Variants in SEM1 observed in about 807,000 individuals in gnomAD.
SEM1 encodes SEM1 26S proteasome subunit.
A neutral mutation model predicts 12.7 loss-of-function variants in SEM1; 3 were observed. The ratio of observed to expected loss-of-function variants is 0.24; its 90% confidence interval spans 0.11 to 0.61. The LOEUF (loss-of-function observed/expected upper bound fraction) is 0.61, where lower values mean the gene tolerates loss of function less well. Among genes scored for constraint, SEM1 ranks in the 20% least tolerant of loss-of-function variants. SEM1 has a pLI of 0.88. For synonymous variants in SEM1, 30 were observed against 27.8 expected (o/e 1.08, Z -0.25); for missense variants, 59 against 81.3 (o/e 0.73, Z 1.06).
intron 1 of SEM1, among the ~76,000 whole-genome samples, chr7:96,697,969 C>T (rs986071843): frequency 6.6e-6 from 1 of 152,098 alleles, no homozygotes; most frequent in African/African-American, 2.4e-5. Flanking sequence ...ATACGTAGCA[C>T]GGCACCACTT....
chr7:96,524,251 A>T (rs1804375023), intron 2 of SEM1, among the ~76,000 whole-genome samples: 1 of 151,860 alleles, frequency 6.6e-6, no homozygotes, highest in Non-Finnish European at 1.5e-5. Flanking sequence ...TCTCAACATC[A>T]CCCCTAGGAC....
At chr7:96,585,255 G>T (rs1411170666) in intron 2 of SEM1, among the ~76,000 whole-genome samples, 3 of 152,190 alleles carry the variant, frequency 2.0e-5, no homozygotes, top group African/African-American at 7.2e-5. Flanking sequence ...GCCCCTGCTG[G>T]GGGGTGCCTC....
At chr7:96,571,772 G>T (rs1049174204) in intron 2 of SEM1, among the ~76,000 whole-genome samples, 2 of 151,714 alleles carry the variant, frequency 1.3e-5, no homozygotes, top group Non-Finnish European at 2.9e-5. Flanking sequence ...TGTTGTGTCT[G>T]TGCCAGGTTT....
intron 2 of SEM1, among the ~76,000 whole-genome samples, chr7:96,629,150 A>G (rs1332218945): frequency 2.0e-5 from 3 of 152,050 alleles, no homozygotes; most frequent in African/African-American, 7.2e-5. Context: ...TTGGTGTTCT[A>G]TAACCTTCTT....
At chr7:96,510,606 C>A (rs1220687872) in intron 2 of SEM1, among the ~76,000 whole-genome samples, 2 of 152,136 alleles carry the variant, frequency 1.3e-5, no homozygotes, top group African/African-American at 4.8e-5. Flanking sequence ...CAAACCTAAT[C>A]TATCTCAAAA....
intron 2 of SEM1, among the ~76,000 whole-genome samples, chr7:96,574,459 G>T (rs1294740675): frequency 6.6e-6 from 1 of 152,168 alleles, no homozygotes; most frequent in Non-Finnish European, 1.5e-5. Context: ...CCAGTAATGG[G>T]ATCACTGGGT....
chr7:96,572,263 T>C (rs2115989242), intron 2 of SEM1, among the ~76,000 whole-genome samples: 1 of 152,294 alleles, frequency 6.6e-6, no homozygotes, highest in South Asian at 2.1e-4. Flanking sequence ...TTGAAGGGCT[T>C]TTCATGTCTC....
chr7:96,567,524 A>G (rs984563571), intron 2 of SEM1, among the ~76,000 whole-genome samples: 10 of 151,246 alleles, frequency 6.6e-5, no homozygotes, highest in Non-Finnish European at 1.3e-4. Flanking sequence ...TTCCACATTT[A>G]TAACCTCTAA....
At chr7:96,621,735 T>C (rs1807899183), downstream of SEM1, 1 of 152,224 alleles carries the variant, frequency 6.6e-6, no homozygotes, top group Admixed American at 6.5e-5. Context: ...TATTAGCAAA[T>C]GAATTTGCAG....
intron 2 of SEM1, among the ~76,000 whole-genome samples, chr7:96,580,083 A>G (rs1371943424): frequency 1.4e-5 from 2 of 148,104 alleles, no homozygotes; most frequent in African/African-American, 2.5e-5. Context: ...CTCGTCATCT[A>G]GCATTAGGTA....
At chr7:96,648,160 C>T (rs1808862728) in intron 2 of SEM1, among the ~76,000 whole-genome samples, 1 of 152,142 alleles carries the variant, frequency 6.6e-6, no homozygotes, top group Non-Finnish European at 1.5e-5. Context: ...ATGGCATTCA[C>T]AATTTTTGAA....
chr7:96,698,835 C>G (rs902063700), intron 1 of SEM1, among the ~76,000 whole-genome samples: 1 of 152,286 alleles, frequency 6.6e-6, no homozygotes, highest in East Asian at 1.9e-4. Flanking sequence ...CTTGCGGAAT[C>G]ACCACATTGT....
At chr7:96,705,086 C>T (rs1224943660) in intron 1 of SEM1, among the ~76,000 whole-genome samples, 1 of 152,198 alleles carries the variant, frequency 6.6e-6, no homozygotes, top group Admixed American at 6.5e-5. Flanking sequence ...CTCATTTATT[C>T]CAGAATGCTG....
chr7:96,660,077 A>C (rs943171668), intron 2 of SEM1, among the ~76,000 whole-genome samples: 2 of 152,166 alleles, frequency 1.3e-5, no homozygotes, highest in African/African-American at 4.8e-5. Context: ...TAAGGACATG[A>C]GATAGTTGAG....
chr7:96,631,578 T>C (rs1416229339), intron 2 of SEM1, among the ~76,000 whole-genome samples: 2 of 152,078 alleles, frequency 1.3e-5, no homozygotes, highest in Non-Finnish European at 2.9e-5. Context: ...AACCGGAGCC[T>C]AAGACCTAAA....
intron 2 of SEM1, among the ~76,000 whole-genome samples, chr7:96,647,084 G>T (rs565513188): frequency 3.3e-5 from 5 of 152,090 alleles, no homozygotes; most frequent in Non-Finnish European, 5.9e-5. Flanking sequence ...AATATGTTTC[G>T]GTCTCTGGTG....
chr7:96,534,224 G>A (rs144395454), intron 2 of SEM1, among the ~76,000 whole-genome samples: 1 of 152,066 alleles, frequency 6.6e-6, no homozygotes, highest in African/African-American at 2.4e-5. Flanking sequence ...AGTATTTGTT[G>A]CCAACAAAAA....
chr7:96,499,250 A>G (rs901378816), upstream of SEM1, among the ~76,000 whole-genome samples: 4 of 152,340 alleles, frequency 2.6e-5, no homozygotes, highest in South Asian at 8.3e-4. Flanking sequence ...TACTAAGACT[A>G]TTAGGCAACA....
chr7:96,584,613 C>T (rs1211496057), intron 2 of SEM1, among the ~76,000 whole-genome samples: 35 of 150,862 alleles, frequency 2.3e-4, no homozygotes, highest in African/African-American at 8.3e-4. Flanking sequence ...ACCAATCAGA[C>T]CTAGATTTGG....
Sources: allele counts gnomAD v4.1 joint callset (sites outside exome capture counted in the v4.1 genomes callset), GRCh38; gene constraint gnomAD v4.1.1; transcripts MANE v1.5; gene names NCBI Gene and HGNC (gene_info 2026-07-23, HGNC 2026-07-21).